The following SLC44A5 variants were observed in gnomAD, a reference collection of about 807,000 sequenced individuals.
SLC44A5 encodes solute carrier family 44 member 5, also known as choline transporter-like protein 5.
A neutral mutation model predicts 101.8 loss-of-function variants in SLC44A5; 57 were observed. The ratio of observed to expected loss-of-function variants is 0.56; its 90% CI spans 0.45 to 0.70. The LOEUF (loss-of-function observed/expected upper bound fraction) is 0.70. SLC44A5 is among the 30% of genes least tolerant of loss of function. The pLI, the probability that SLC44A5 is intolerant of heterozygous loss-of-function variation, is 0.00. For synonymous variants in SLC44A5, 281 were observed against 290.9 expected (o/e 0.97, Z 0.35); for missense variants, 737 against 853.1 (o/e 0.86, Z 1.70).
chr1:75,479,137 G>C (rs1351344690), intron 2 of SLC44A5, among the ~76,000 whole-genome samples: 1 of 152,158 alleles, frequency 6.6e-6, no homozygotes. Context: ...TGAACAACCT[G>C]CTCCTGAATG....
At chr1:75,710,148 T>C in the SLC44A5 span, 1 of 152,246 alleles carries the variant, frequency 6.6e-6, no homozygotes, top group Non-Finnish European at 1.5e-5. Flanking sequence ...GAAATACTTG[T>C]CATCTTGATT....
intron 4 of SLC44A5, among the ~76,000 whole-genome samples, chr1:75,339,055 G>A (rs1394309427): frequency 1.3e-5 from 2 of 152,200 alleles, no homozygotes; most frequent in Non-Finnish European, 2.9e-5. Flanking sequence ...AGGGCAGGAA[G>A]CACCAGCTGA....
the SLC44A5 span, among the ~76,000 whole-genome samples, chr1:75,618,869 C>T: frequency 1.3e-5 from 2 of 151,844 alleles, no homozygotes; most frequent in African/African-American, 2.4e-5. Context: ...CAGGAGTTCA[C>T]GACCAGCCTG....
At chr1:75,574,550 G>T (rs1346853017) in intron 1 of SLC44A5, among the ~76,000 whole-genome samples, 4 of 152,194 alleles carry the variant, frequency 2.6e-5, no homozygotes, top group Non-Finnish European at 4.4e-5. Context: ...AGCAGAAGCA[G>T]GTCTGGCTCT....
chr1:75,535,625 C>T (rs924455991), intron 2 of SLC44A5, among the ~76,000 whole-genome samples: 2 of 152,098 alleles, frequency 1.3e-5, no homozygotes, highest in Non-Finnish European at 2.9e-5. Context: ...TACCTTTAGA[C>T]AAACAGGGTA....
chr1:75,300,978 T>G (rs1216438163), intron 4 of SLC44A5, among the ~76,000 whole-genome samples: 2 of 152,204 alleles, frequency 1.3e-5, no homozygotes, highest in African/African-American at 4.8e-5. Flanking sequence ...CAACATCAGA[T>G]AGCCATTTTT....
rs1553152601 is a variant in SLC44A5, at chr1:75,271,497, T to TTTTGTGTGTGTGTGTG, written c.260+3460_260+3461insCACACACACACACAAA. Among the ~76,000 whole-genome samples the TTTTGTGTGTGTGTGTG allele has an allele frequency of 2.5e-3, 369 of 146,392 alleles. 2 individuals carry two copies. The highest frequency in any genetic ancestry group is 3.5e-3 in the Middle Eastern group (1 of 284). On this transcript the variant is annotated intron_variant, in intron 6 of 23. Transcript: ENST00000370859. ...AGTCCATTATATCACTCTGCATGTTTTGTGTGTGTGTGTGTGTGTGTGTGT... is the reference window on the plus strand; with the variant it reads ...AGTCCATTATATCACTCTGCATGTTTTTTGTGTGTGTGTGTGTGTGTGTGTGTGTGTGTGTGTGTGT...
At chr1:75,455,059 G>A (rs982870834) in intron 2 of SLC44A5, among the ~76,000 whole-genome samples, 2 of 151,890 alleles carry the variant, frequency 1.3e-5, no homozygotes, top group African/African-American at 2.4e-5. Flanking sequence ...AGCCCAAATA[G>A]CCCAGACAAT....
intron 2 of SLC44A5, among the ~76,000 whole-genome samples, chr1:75,408,114 G>T (rs1374427310): frequency 6.6e-6 from 1 of 152,192 alleles, no homozygotes; most frequent in African/African-American, 2.4e-5. Context: ...ATGAAAAAAA[G>T]CTCATTGTCG....
At chr1:75,719,808 A>G in the SLC44A5 span, among the ~76,000 whole-genome samples, 1 of 152,176 alleles carries the variant, frequency 6.6e-6, no homozygotes, top group Non-Finnish European at 1.5e-5. Context: ...AAGCCTGTCA[A>G]TCTCCCTTGT....
intron 3 of SLC44A5, among the ~76,000 whole-genome samples, chr1:75,360,325 T>C (rs1444210398): frequency 6.6e-6 from 1 of 152,150 alleles, no homozygotes; most frequent in Non-Finnish European, 1.5e-5. Flanking sequence ...CTTTTGTCCA[T>C]TTTAAGCTGA....
At chr1:75,284,360 ACTTT>A (rs1054002386) in intron 5 of SLC44A5, among the ~76,000 whole-genome samples, 4 of 152,068 alleles carry the variant, frequency 2.6e-5, no homozygotes, top group African/African-American at 2.4e-5. Flanking sequence ...GTATCCTGAA[ACTTT>A]CTTTATTTAT....
the SLC44A5 span, among the ~76,000 whole-genome samples, chr1:75,681,667 A>C: frequency 1.3e-5 from 2 of 149,448 alleles, no homozygotes; most frequent in East Asian, 1.9e-4. Flanking sequence ...AATGGGCAAA[A>C]ACTGGAAGCA....
the SLC44A5 span, among the ~76,000 whole-genome samples, chr1:75,722,480 T>C: frequency 1.3e-5 from 2 of 152,172 alleles, no homozygotes; most frequent in Non-Finnish European, 2.9e-5. Flanking sequence ...AAACTGCGTA[T>C]GCCACCCAGG....
chr1:75,372,196 C>CAAAA (rs770556856), intron 3 of SLC44A5, among the ~76,000 whole-genome samples: 1 of 81,800 alleles, frequency 1.2e-5, no homozygotes, highest in Non-Finnish European at 2.4e-5. Flanking sequence ...GACTCTGTCT[C>CAAAA]AAAAAAAAAA....
intron 23 of SLC44A5, 124 bp from the exon 24 acceptor site, chr1:75,203,957 GT>G: frequency 1.6e-6 from 2 of 1,237,372 alleles, no homozygotes; most frequent in African/African-American, 1.5e-5. Flanking sequence ...TTTTGTTGTT[GT>G]TTTTTAAACA....
intron 2 of SLC44A5, among the ~76,000 whole-genome samples, chr1:75,407,463 C>T (rs1470188165): frequency 6.6e-6 from 1 of 152,142 alleles, no homozygotes; most frequent in Non-Finnish European, 1.5e-5. Flanking sequence ...TCAAACTATA[C>T]TACAAGGCTA....
At chr1:75,271,308 T>A (rs1483172973) in intron 6 of SLC44A5, among the ~76,000 whole-genome samples, 6 of 152,114 alleles carry the variant, frequency 3.9e-5, no homozygotes, top group African/African-American at 1.4e-4. Context: ...TTAAAAATGT[T>A]AATAGTTTTT....
At chr1:75,505,662 T>C (rs1669213222) in intron 2 of SLC44A5, among the ~76,000 whole-genome samples, 1 of 152,198 alleles carries the variant, frequency 6.6e-6, no homozygotes, top group African/African-American at 2.4e-5. Context: ...TTTTCAGAAG[T>C]GTCTGCTCAT....
Sources: gnomAD v4.1 joint callset for allele counts (sites outside exome capture counted in the v4.1 genomes callset) on GRCh38, gnomAD v4.1.1 for gene constraint, MANE v1.5 for transcripts, NCBI Gene and HGNC (gene_info 2026-07-23, HGNC 2026-07-21) for gene names.